ADGRF5: variants seen among roughly 807,000 people sequenced by gnomAD.
ADGRF5 encodes the protein adhesion G protein-coupled receptor F5.
In ADGRF5, 75 loss-of-function variants were observed where a neutral mutation model predicts 132.3. That is an observed-to-expected ratio of 0.57 (90% CI 0.47 to 0.69). ADGRF5 has a LOEUF of 0.69. ADGRF5 is among the 30% of genes least tolerant of loss of function. The probability of loss-of-function intolerance (pLI) is 0.00; values close to 1 mark genes in which losing one functional copy is unlikely to be tolerated. For missense variants in ADGRF5, 1,516 were observed against 1,630.6 expected (o/e 0.93, Z 1.21); for synonymous variants, 629 against 597.6 (o/e 1.05, Z -0.77).
At chr6:46,887,371 A>G (rs992267704) in intron 4 of ADGRF5, among the ~76,000 whole-genome samples, 1 of 152,190 alleles carries the variant, frequency 6.6e-6, no homozygotes, top group Admixed American at 6.5e-5. Context: ...GAGATGTTCT[A>G]TGGATAAACA....
chr6:46,854,140 T>C, intron 20 of ADGRF5, 69 bp from the exon 21 acceptor site: 1 of 1,108,724 alleles, frequency 9.0e-7, no homozygotes. Context: ...GAACATCTCC[T>C]AAGGGACCCA....
chr6:46,900,129 CTT>C, intron 2 of ADGRF5, 46 bp from the exon 3 acceptor site: 1 of 1,409,732 alleles, frequency 7.1e-7, no homozygotes, highest in Non-Finnish European at 1.0e-6. Flanking sequence ...TTAGAGAAGT[CTT>C]TTCACTGTGG....
At chr6:46,874,452 T>C (rs995366965) in intron 10 of ADGRF5, among the ~76,000 whole-genome samples, 3 of 152,124 alleles carry the variant, frequency 2.0e-5, no homozygotes, top group Non-Finnish European at 4.4e-5. Flanking sequence ...ACAGAAATAA[T>C]GATAGTGTGC....
chr6:46,899,667 TG>T lies in ADGRF5; in HGVS notation c.157+361del, dbSNP rs201745176. Reference sequence around the variant, plus strand: ...CCTAAGTAAAAGAAGTTTTTTTTTTTGTTTGTTTTGTTTTTTTTTTTAAAGC... The same window carrying T: ...CCTAAGTAAAAGAAGTTTTTTTTTTTTTTGTTTTGTTTTTTTTTTTAAAGC... On this transcript the variant is annotated intron_variant, in intron 3 of 20. Coordinates refer to ENST00000283296, the MANE Select transcript of ADGRF5 (RefSeq NM_001098518.2). Among the ~76,000 whole-genome samples, 556 of 69,792 alleles carry T rather than the reference TG, an allele frequency of 8.0e-3. 4 individuals are homozygous for T. Among genetic ancestry groups the T allele is most frequent in the Middle Eastern group, 0.049 (7 of 142 alleles). The allele number at this position is 69,792 out of a possible 152,430, so 45.8% of individuals were successfully genotyped here. A position where few individuals can be genotyped will look rare whatever the true frequency, so the allele number is the denominator to read the frequency against.
At chr6:46,954,378 G>T (rs913968172) in intron 1 of ADGRF5, among the ~76,000 whole-genome samples, 1 of 150,824 alleles carries the variant, frequency 6.6e-6, no homozygotes, top group African/African-American at 2.4e-5. Flanking sequence ...TCATGGTAGA[G>T]GTCTATACTA....
chr6:46,895,371 T>A (rs1298772832), intron 3 of ADGRF5, among the ~76,000 whole-genome samples: 8 of 151,486 alleles, frequency 5.3e-5, no homozygotes, highest in Non-Finnish European at 1.5e-5. Context: ...TCCACCACCA[T>A]CACTGCCGGC....
chr6:46,941,411 G>GAAAAGAAAAGAAAAGAAAAGA (rs1778057168), intron 1 of ADGRF5, among the ~76,000 whole-genome samples: 1 of 33,258 alleles, frequency 3.0e-5, no homozygotes, highest in African/African-American at 1.4e-4. Flanking sequence ...GAAAAGAAAA[G>GAAAAGAAAAGAAAAGAAAAGA]AAAAGAAAAG....
At chr6:46,918,886 A>C (rs1776650910) in intron 1 of ADGRF5, among the ~76,000 whole-genome samples, 1 of 152,214 alleles carries the variant, frequency 6.6e-6, no homozygotes, top group South Asian at 2.1e-4. Context: ...ACTGTATCTT[A>C]CACAGCCAAG....
intron 1 of ADGRF5, among the ~76,000 whole-genome samples, chr6:46,913,414 G>T (rs1019330006): frequency 6.6e-6 from 1 of 152,028 alleles, no homozygotes; most frequent in African/African-American, 2.4e-5. Flanking sequence ...CAGGAGAATT[G>T]CTTCAACCCA....
At chr6:46,856,822 G>A in intron 18 of ADGRF5, 45 bp from the exon 19 acceptor site, 2 of 1,600,596 alleles carry the variant, frequency 1.2e-6, no homozygotes, top group Non-Finnish European at 1.7e-6. Flanking sequence ...CATGCCACAA[G>A]CACTTCAGAC....
intron 10 of ADGRF5, among the ~76,000 whole-genome samples, chr6:46,877,275 CTTTCTTTCTT>C (rs1562174388): frequency 1.6e-3 from 74 of 47,446 alleles, no homozygotes; most frequent in African/African-American, 4.2e-3. Context: ...TTCTTTCTTT[CTTTCTTTCTT>C]TCTTTCTCTC....
At chr6:46,859,926 G>A (rs1769541442) in intron 16 of ADGRF5, among the ~76,000 whole-genome samples, 1 of 151,938 alleles carries the variant, frequency 6.6e-6, no homozygotes, top group South Asian at 2.1e-4. Flanking sequence ...CTGATCTCAG[G>A]TGATCCATCC....
At chr6:46,899,548 A>G (rs984044923) in intron 3 of ADGRF5, among the ~76,000 whole-genome samples, 22 of 152,210 alleles carry the variant, frequency 1.4e-4, no homozygotes, top group African/African-American at 5.3e-4. Context: ...TGTATTTTCC[A>G]GATCACTGCT....
In ADGRF5 at chr6:46,953,667, A is replaced by C. The variant is rs865849123; in HGVS notation, c.-25+1067T>G. ...GATATATGTGTATATATATATATATATATATATATATATATATATATATCT... is the reference window on the plus strand; with the variant it reads ...GATATATGTGTATATATATATATATCTATATATATATATATATATATATCT... On this transcript the variant is annotated intron_variant, in intron 1 of 20. Coordinates refer to the ADGRF5 transcript ENST00000265417. 3.1e-4 allele frequency among the ~76,000 whole-genome samples: 41 copies of C among 130,420 alleles called. 1 individual carries two copies. The highest frequency in any genetic ancestry group is 5.2e-4 in the Non-Finnish European group (32 of 61,494). 85.6% of individuals were successfully genotyped at this position (130,420 alleles called of 152,430 possible).
At chr6:46,947,757 G>A (rs1469144663) in intron 1 of ADGRF5, among the ~76,000 whole-genome samples, 1 of 152,136 alleles carries the variant, frequency 6.6e-6, no homozygotes, top group Non-Finnish European at 1.5e-5. Context: ...ATCCATGAAG[G>A]CATTTTTACT....
chr6:46,931,046 G>A (rs535938949), intron 1 of ADGRF5, among the ~76,000 whole-genome samples: 7 of 151,802 alleles, frequency 4.6e-5, no homozygotes, highest in African/African-American at 1.4e-4. Context: ...AGAGGGAGAC[G>A]CTGTTTGAAA....
chr6:46,908,324 G>A (rs1231565918), intron 1 of ADGRF5, among the ~76,000 whole-genome samples: 20 of 152,166 alleles, frequency 1.3e-4, no homozygotes, highest in Admixed American at 1.3e-3. Context: ...TTGAAAGACA[G>A]TGTGTCTTTG....
intron 1 of ADGRF5, among the ~76,000 whole-genome samples, chr6:46,933,147 T>G (rs1163342591): frequency 6.6e-6 from 1 of 152,164 alleles, no homozygotes; most frequent in Non-Finnish European, 1.5e-5. Flanking sequence ...CATAGAGACG[T>G]GGAATGCTGC....
At chr6:46,878,569 G>A (rs957151188) in intron 9 of ADGRF5, among the ~76,000 whole-genome samples, 164 bp from the exon 10 acceptor site, 1 of 152,140 alleles carries the variant, frequency 6.6e-6, no homozygotes, top group Non-Finnish European at 1.5e-5. Flanking sequence ...AGGAATTCAG[G>A]AAGTGCAGAT....
Sources: gnomAD v4.1 joint callset for allele counts (sites outside exome capture counted in the v4.1 genomes callset) on GRCh38, gnomAD v4.1.1 for gene constraint, MANE v1.5 for transcripts, NCBI Gene and HGNC (gene_info 2026-07-23, HGNC 2026-07-21) for gene names.